Variants in RYR3 observed in about 807,000 individuals in gnomAD.
RYR3 encodes the protein brain ryanodine receptor-calcium release channel.
In RYR3, 207 loss-of-function variants were observed where a neutral mutation model predicts 584.3. The ratio of observed to expected loss-of-function variants is 0.35; its 90% CI spans 0.32 to 0.40. RYR3 has a LOEUF of 0.40. Among genes scored for constraint, RYR3 ranks in the 10% least tolerant of loss-of-function variants. The pLI, the probability that RYR3 is intolerant of heterozygous loss-of-function variation, is 1.00. For missense variants in RYR3, 5,616 were observed against 6,089.2 expected (o/e 0.92, Z 2.59); for synonymous variants, 2,416 against 2,248.5 (o/e 1.07, Z -2.11).
intron 94 of RYR3, chr15:33,852,005 A>AC (rs1363665816): frequency 6.7e-6 from 1 of 150,238 alleles, no homozygotes; most frequent in African/African-American, 2.5e-5. Context: ...GCTTTAACAA[A>AC]CCAAAAAAAA....
At chr15:33,763,853 A>G (rs905402601) in intron 60 of RYR3, among the ~76,000 whole-genome samples, 1 of 139,550 alleles carries the variant, frequency 7.2e-6, no homozygotes, top group Non-Finnish European at 1.5e-5. Flanking sequence ...TGATTGCACC[A>G]TTGCACTCCA....
At chr15:33,489,607 A>AT (rs11408534) in intron 2 of RYR3, among the ~76,000 whole-genome samples, 113,231 of 152,116 alleles carry the variant, frequency 0.74, 43,252 homozygotes, top group African/African-American at 0.93. Context: ...CCAATCTGCC[A>AT]TGGTGAGCAT....
At chr15:33,530,446 C>A (rs2054771220) in intron 3 of RYR3, 146 bp from the exon 4 acceptor site, 2 of 634,042 alleles carry the variant, frequency 3.2e-6, no homozygotes, top group Admixed American at 5.0e-5. Flanking sequence ...GCCCGTAGAC[C>A]AGCCACTTGC....
intron 11 of RYR3, among the ~76,000 whole-genome samples, chr15:33,565,968 C>T (rs2057691963): frequency 6.6e-6 from 1 of 152,206 alleles, no homozygotes; most frequent in Admixed American, 6.5e-5. Context: ...CATGCCAATT[C>T]CCTACATGTA....
intron 1 of RYR3, among the ~76,000 whole-genome samples, chr15:33,314,349 C>T (rs974293180): frequency 2.7e-4 from 41 of 152,300 alleles, no homozygotes; most frequent in African/African-American, 9.6e-4. Flanking sequence ...TGCTCAGAAG[C>T]AGATAAACCT....
chr15:33,470,193 C>G (rs981728742), intron 1 of RYR3, among the ~76,000 whole-genome samples: 1 of 152,152 alleles, frequency 6.6e-6, no homozygotes, highest in Non-Finnish European at 1.5e-5. Context: ...TTTGAAAGGT[C>G]TTAGTGTCCC....
At chr15:33,710,423 A>C (rs1596272634) in intron 43 of RYR3, among the ~76,000 whole-genome samples, 1 of 144,050 alleles carries the variant, frequency 6.9e-6, no homozygotes, top group Non-Finnish European at 1.5e-5. Flanking sequence ...AGCTGACTGC[A>C]CCCTCGACCT....
chr15:33,810,356 A>C, intron 70 of RYR3, 123 bp from the exon 71 acceptor site: 1 of 837,112 alleles, frequency 1.2e-6, no homozygotes, highest in Non-Finnish European at 1.9e-6. Context: ...CTGTCCTTTG[A>C]AGTGTAGTAA....
intron 40 of RYR3, among the ~76,000 whole-genome samples, chr15:33,698,276 C>G (rs2066006045): frequency 6.6e-6 from 1 of 152,238 alleles, no homozygotes; most frequent in Non-Finnish European, 1.5e-5. Flanking sequence ...CCTGCTCTTT[C>G]CAAGATGGAA....
At chr15:33,864,530 T>A (rs1889766200) in intron 103 of RYR3, among the ~76,000 whole-genome samples, 1 of 151,786 alleles carries the variant, frequency 6.6e-6, no homozygotes, top group African/African-American at 2.4e-5. Flanking sequence ...TACAACGGAG[T>A]GAGAGACAGG....
chr15:33,571,528 G>A (rs549739425), intron 12 of RYR3, among the ~76,000 whole-genome samples: 2 of 151,988 alleles, frequency 1.3e-5, no homozygotes, highest in East Asian at 1.9e-4. Flanking sequence ...TGATAAATTT[G>A]CCCTTTTGTA....
chr15:33,636,678 G>C, intron 27 of RYR3, 128 bp downstream of exon 27: 1 of 784,756 alleles, frequency 1.3e-6, no homozygotes, highest in Non-Finnish European at 2.0e-6. Flanking sequence ...AACCCTAATG[G>C]TGAAGACGAT....
At chr15:33,498,343 G>T (rs1165454985) in intron 2 of RYR3, among the ~76,000 whole-genome samples, 5 of 152,134 alleles carry the variant, frequency 3.3e-5, no homozygotes, top group Admixed American at 2.6e-4. Context: ...ATCCTCATCA[G>T]CATTCGTGAT....
At chr15:33,586,495 G>T (rs1293852989) in intron 16 of RYR3, among the ~76,000 whole-genome samples, 1 of 152,164 alleles carries the variant, frequency 6.6e-6, no homozygotes, top group Non-Finnish European at 1.5e-5. Context: ...AAGGTATGAA[G>T]AAATCAGATT....
intron 20 of RYR3, among the ~76,000 whole-genome samples, chr15:33,627,483 G>T (rs1267815794): frequency 6.6e-6 from 1 of 152,180 alleles, no homozygotes; most frequent in African/African-American, 2.4e-5. Context: ...TGAGGAAGGT[G>T]GGTGTGTGGT....
chr15:33,825,648 C>A lies in RYR3; in HGVS notation c.11118C>A (p.Gly3706=). 6.2e-7 allele frequency: 1 copy of A among 1,610,312 alleles called. No individual in the cohort carries two copies. The highest frequency in any genetic ancestry group is 8.5e-7 in the Non-Finnish European group (1 of 1,177,524). The change falls in exon 82 of 104, where the codon GGC becomes GGA. Residue 3706 remains glycine (G), a synonymous_variant. Coordinates refer to ENST00000634891, the MANE Select transcript of RYR3 (RefSeq NM_001036.6). The part of the protein sequence containing the change: ...NAFERQNKAE[G]LGMVTEEGTL... ...TTGAGAGGCAGAATAAAGCTGAAGG[C>A]CTGGGGATGGTGACTGAAGAAGGAA...
At chr15:33,392,946 T>C (rs79555420) in intron 1 of RYR3, among the ~76,000 whole-genome samples, 9 of 152,244 alleles carry the variant, frequency 5.9e-5, no homozygotes, top group Non-Finnish European at 1.0e-4. Flanking sequence ...GGCATGGGAT[T>C]GCACAAGAAG....
chr15:33,721,695 A>G (rs905817378), intron 43 of RYR3, among the ~76,000 whole-genome samples: 1 of 152,218 alleles, frequency 6.6e-6, no homozygotes, highest in East Asian at 1.9e-4. Context: ...CAACATGAAA[A>G]AAAGTCTTGC....
At chr15:33,580,341 G>A (rs183265023) in intron 13 of RYR3, among the ~76,000 whole-genome samples, 197 bp downstream of exon 13, 11 of 152,278 alleles carry the variant, frequency 7.2e-5, no homozygotes, top group South Asian at 6.2e-4. Context: ...TGGCTGGCAC[G>A]TTCAAACCAG....
Sources: allele counts gnomAD v4.1 joint callset (sites outside exome capture counted in the v4.1 genomes callset), GRCh38; gene constraint gnomAD v4.1.1; transcripts MANE v1.5; gene names NCBI Gene and HGNC (gene_info 2026-07-23, HGNC 2026-07-21).